The following PRKG1 variants were observed in gnomAD, a reference collection of about 807,000 sequenced individuals.
PRKG1 encodes the protein protein kinase cGMP-dependent 1, also known as cGMP-dependent protein kinase 1.
A neutral mutation model predicts 88.1 loss-of-function variants in PRKG1; 35 were observed. The observed-to-expected ratio is 0.40, with a 90% CI of 0.30 to 0.53. PRKG1 has a LOEUF of 0.53. PRKG1 is among the 20% of genes least tolerant of loss of function. The pLI is 0.59. For synonymous variants in PRKG1, 303 were observed against 292.5 expected (o/e 1.04, Z -0.37); for missense variants, 540 against 839.8 (o/e 0.64, Z 4.41).
intron 9 of PRKG1, among the ~76,000 whole-genome samples, chr10:52,247,794 G>C (rs61849167): frequency 0.051 from 7,713 of 152,174 alleles, 263 homozygotes; most frequent in Middle Eastern, 0.082. Context: ...ATAATCTGCC[G>C]AGACCAGCTC....
intron 2 of PRKG1, among the ~76,000 whole-genome samples, chr10:51,395,101 A>T (rs1837540888): frequency 6.6e-6 from 1 of 152,190 alleles, no homozygotes; most frequent in African/African-American, 2.4e-5. Flanking sequence ...ATATGCATGC[A>T]GTTTGGAGCT....
At chr10:51,581,956 C>T (rs73341633) in intron 3 of PRKG1, among the ~76,000 whole-genome samples, 51 of 151,950 alleles carry the variant, frequency 3.4e-4, no homozygotes, top group African/African-American at 1.2e-3. Flanking sequence ...TGGGCTGGTC[C>T]TGCCTTTTAA....
chr10:51,394,134 C>T (rs112245115), intron 2 of PRKG1, among the ~76,000 whole-genome samples: 160 of 152,254 alleles, frequency 1.1e-3, no homozygotes, highest in East Asian at 6.8e-3. Flanking sequence ...CAAAACTTAC[C>T]GGCTTCTAAA....
intron 2 of PRKG1, among the ~76,000 whole-genome samples, chr10:51,417,954 G>A (rs185378464): frequency 2.2e-4 from 33 of 152,204 alleles, no homozygotes; most frequent in Middle Eastern, 6.8e-3. Flanking sequence ...AAGCCCTATG[G>A]GAGACACATG....
At chr10:51,880,035 G>A (rs1841398872) in intron 4 of PRKG1, among the ~76,000 whole-genome samples, 1 of 152,096 alleles carries the variant, frequency 6.6e-6, no homozygotes, top group Non-Finnish European at 1.5e-5. Context: ...CACATCCATT[G>A]GATATTTGCT....
chr10:51,667,922 G>T (rs902612242), intron 3 of PRKG1, among the ~76,000 whole-genome samples: 4 of 152,104 alleles, frequency 2.6e-5, no homozygotes, highest in Non-Finnish European at 5.9e-5. Context: ...ACAAAATCTG[G>T]CCCTGAAGTT....
At chr10:52,031,450 G>T (rs1845472025) in intron 5 of PRKG1, among the ~76,000 whole-genome samples, 1 of 151,824 alleles carries the variant, frequency 6.6e-6, no homozygotes, top group South Asian at 2.1e-4. Context: ...CCATAAACAG[G>T]GCTTCTTGCA....
At chr10:51,968,380 G>C (rs183976748) in intron 5 of PRKG1, among the ~76,000 whole-genome samples, 1 of 152,240 alleles carries the variant, frequency 6.6e-6, no homozygotes, top group East Asian at 1.9e-4. Flanking sequence ...GGACTGTGGG[G>C]ATGCCATGCA....
At chr10:51,053,224 T>C (rs1002527432) in intron 1 of PRKG1, among the ~76,000 whole-genome samples, 1 of 140,438 alleles carries the variant, frequency 7.1e-6, no homozygotes, top group African/African-American at 2.6e-5. Flanking sequence ...CGCAAGACTC[T>C]TGTCTCAAAT....
At chr10:52,035,163 C>A (rs530027028) in intron 5 of PRKG1, among the ~76,000 whole-genome samples, 1 of 151,952 alleles carries the variant, frequency 6.6e-6, no homozygotes, top group African/African-American at 2.4e-5. Flanking sequence ...GAAATGACTG[C>A]GGTGGCCTTC....
At chr10:52,272,573 A>G (rs2132434486) in intron 12 of PRKG1, 92 bp downstream of exon 12, 1 of 878,930 alleles carries the variant, frequency 1.1e-6, no homozygotes, top group Non-Finnish European at 1.8e-6. Flanking sequence ...TATAATAATC[A>G]TATTTATAAT....
At chr10:51,740,649 G>A (rs1449176358) in intron 3 of PRKG1, among the ~76,000 whole-genome samples, 2 of 152,032 alleles carry the variant, frequency 1.3e-5, no homozygotes, top group South Asian at 2.1e-4. Flanking sequence ...GGCAAATAAT[G>A]TTTTATGGTT....
intron 1 of PRKG1, among the ~76,000 whole-genome samples, chr10:51,082,300 G>A (rs921123488): frequency 6.6e-6 from 1 of 152,140 alleles, no homozygotes; most frequent in Admixed American, 6.6e-5. Context: ...ATAACATATA[G>A]GTCATTCTCT....
At chr10:51,859,143 A>T (rs917055614) in intron 4 of PRKG1, among the ~76,000 whole-genome samples, 8 of 152,226 alleles carry the variant, frequency 5.3e-5, no homozygotes, top group African/African-American at 1.9e-4. Flanking sequence ...GTTTAAATCC[A>T]TAAATTTGAT....
At position 51,729,706 on chromosome 10, in the gene PRKG1, C is replaced by CAAAAA. The variant is rs34900286; in HGVS notation, c.593-74855_593-74851dup. ...TGGGCAACAGAGTGAGACTCCATCT[C>CAAAAA]AAAAAAAAAAAAAAAAAAAAAAAAA... On this transcript the variant is annotated intron_variant, in intron 3 of 17. Coordinates refer to ENST00000373980, the MANE Select transcript of PRKG1 (RefSeq NM_006258.4). 4.5e-4 allele frequency among the ~76,000 whole-genome samples: 13 copies of CAAAAA among 28,766 alleles called. 1 individual carries two copies. Among genetic ancestry groups the CAAAAA allele is most frequent in the African/African-American group, 1.1e-3 (10 of 8,730 alleles). The allele number at this position is 28,766 out of a possible 152,430, so 18.9% of individuals were successfully genotyped here. A position where few individuals can be genotyped will look rare whatever the true frequency, so the allele number is the denominator to read the frequency against.
rs141381620 is a variant in PRKG1, at chr10:51,443,603, T to G, written c.479-24120T>G. On this transcript the variant is annotated intron_variant, in intron 2 of 17. Coordinates refer to ENST00000373980, the MANE Select transcript of PRKG1 (RefSeq NM_006258.4). ...GTTTTTTTCTTCAAAATAGAAGCTT[T>G]CCCTTCAGCCCTCACTCCTGATCCA... 1.4e-3 allele frequency among the ~76,000 whole-genome samples: 213 copies of G among 152,150 alleles called. 1 individual carries two copies. The highest frequency in any genetic ancestry group is 4.9e-3 in the African/African-American group (205 of 41,534).
chr10:51,450,832 C>T (rs1839414220), intron 2 of PRKG1, among the ~76,000 whole-genome samples: 1 of 150,350 alleles, frequency 6.7e-6, no homozygotes, highest in Middle Eastern at 3.4e-3. Context: ...AGAAGAAACA[C>T]CTTGTCTTAA....
chr10:51,666,742 T>C (rs1051951290), intron 3 of PRKG1, among the ~76,000 whole-genome samples: 2 of 152,154 alleles, frequency 1.3e-5, no homozygotes, highest in African/African-American at 4.8e-5. Flanking sequence ...TTAAAAGCAA[T>C]TGTTAAATGT....
At chr10:52,105,539 C>A (rs1367099967) in intron 7 of PRKG1, among the ~76,000 whole-genome samples, 1 of 152,190 alleles carries the variant, frequency 6.6e-6, no homozygotes, top group Non-Finnish European at 1.5e-5. Flanking sequence ...GGAGCCCTAA[C>A]TCTCCCCTTA....
Sources: gnomAD v4.1 joint callset for allele counts (sites outside exome capture counted in the v4.1 genomes callset) on GRCh38, gnomAD v4.1.1 for gene constraint, MANE v1.5 for transcripts, NCBI Gene and HGNC (gene_info 2026-07-23, HGNC 2026-07-21) for gene names.